LYN: variants seen among roughly 807,000 people sequenced by gnomAD.
LYN encodes LYN proto-oncogene, Src family tyrosine kinase, also known as tyrosine-protein kinase Lyn.
In LYN, 12 loss-of-function variants were observed where a neutral mutation model predicts 65.0. That is an observed-to-expected ratio of 0.18 (90% confidence interval 0.12 to 0.30). LYN has a LOEUF of 0.30. LYN is among the 10% of genes least tolerant of loss of function. The pLI is 1.00. For synonymous variants in LYN, 222 were observed against 221.2 expected (o/e 1.00, Z -0.03); for missense variants, 380 against 623.2 (o/e 0.61, Z 4.16).
At chr8:55,956,210 G>A (rs2130503176) in intron 8 of LYN, among the ~76,000 whole-genome samples, 1 of 151,726 alleles carries the variant, frequency 6.6e-6, no homozygotes, top group South Asian at 2.1e-4. Flanking sequence ...AATGAATATT[G>A]TATACCCTTC....
intron 9 of LYN, among the ~76,000 whole-genome samples, chr8:55,968,525 G>A (rs1807522806): frequency 6.6e-6 from 1 of 152,184 alleles, no homozygotes; most frequent in Non-Finnish European, 1.5e-5. Context: ...CCAAAGTGCT[G>A]GAATTATAGG....
intron 10 of LYN, among the ~76,000 whole-genome samples, chr8:55,972,095 G>A (rs747248869): frequency 1.3e-5 from 2 of 152,198 alleles, no homozygotes; most frequent in Non-Finnish European, 2.9e-5. Context: ...ATGTTCACAG[G>A]TCCAGGGTCT....
intron 1 of LYN, among the ~76,000 whole-genome samples, chr8:55,922,690 C>G (rs1395438454): frequency 6.6e-6 from 1 of 151,954 alleles, no homozygotes; most frequent in East Asian, 1.9e-4. Flanking sequence ...TCACTTGAAC[C>G]TGGCAGGCGG....
chr8:55,887,575 T>TATAC (rs1554573193), intron 1 of LYN, among the ~76,000 whole-genome samples: 4,356 of 93,462 alleles, frequency 0.047, 142 homozygotes, highest in East Asian at 0.11. Context: ...TATATATATA[T>TATAC]ACACACACAC....
At position 55,950,825 on chromosome 8, in the gene LYN, G is replaced by A. The variant is rs115961824; in HGVS notation, c.487+41G>A. On this transcript the variant is annotated intron_variant, in intron 6 of 12. Coordinates refer to ENST00000519728, the MANE Select transcript of LYN (RefSeq NM_002350.4). ...AAGCCTCTTTTAAAACACTATTTAG[G>A]AAATTATTTTTAGAAACTATTCTAG... is the stretch of plus-strand genomic sequence containing the variant. 717 of 1,399,580 alleles carry A rather than the reference G, an allele frequency of 5.1e-4. 3 individuals are homozygous for A. In the African/African-American group the frequency reaches 9.3e-3, roughly 18 times the overall value. The allele number at this position is 1,399,580 out of a possible 1,614,324, so 86.7% of individuals were successfully genotyped here.
chr8:55,887,688 C>T (rs896031988), intron 1 of LYN, among the ~76,000 whole-genome samples: 4 of 151,126 alleles, frequency 2.6e-5, no homozygotes, highest in African/African-American at 9.8e-5. Context: ...CGGCTCACTG[C>T]AACCTCCACC....
intron 1 of LYN, among the ~76,000 whole-genome samples, chr8:55,930,414 T>G (rs1027304004): frequency 2.0e-5 from 3 of 152,198 alleles, no homozygotes; most frequent in African/African-American, 7.2e-5. Context: ...GGTGGCTGGA[T>G]TGTTGATCAT....
chr8:55,993,362 C>T (rs913541972), intron 10 of LYN, among the ~76,000 whole-genome samples: 1 of 152,154 alleles, frequency 6.6e-6, no homozygotes, highest in African/African-American at 2.4e-5. Context: ...GAGAGGAAAC[C>T]TCAGAAGTCT....
chr8:56,009,112 C>A (rs1321841359), intron 12 of LYN, among the ~76,000 whole-genome samples: 4 of 152,076 alleles, frequency 2.6e-5, no homozygotes, highest in African/African-American at 9.7e-5. Flanking sequence ...TGAAAAATGT[C>A]CGTATAAGAT....
intron 1 of LYN, among the ~76,000 whole-genome samples, chr8:55,884,417 ATTTGGCTTAAGTTAGTT>A (rs1452531285): frequency 6.9e-6 from 1 of 144,488 alleles, no homozygotes; most frequent in African/African-American, 2.6e-5. Flanking sequence ...TCTGGGGTAT[ATTTGGCTTAAGTTAGTT>A]GGAAGGGCTC....
At chr8:55,933,984 T>A (rs1356972466) in intron 1 of LYN, among the ~76,000 whole-genome samples, 1 of 152,110 alleles carries the variant, frequency 6.6e-6, no homozygotes, top group Non-Finnish European at 1.5e-5. Flanking sequence ...TCCCAGCACT[T>A]TGGGAGGCCA....
chr8:55,901,025 CA>C (rs1805246162), intron 1 of LYN, among the ~76,000 whole-genome samples: 2 of 152,088 alleles, frequency 1.3e-5, no homozygotes. Flanking sequence ...GTGGCATTTG[CA>C]GCAGTGCCTC....
rs112993878 is a variant in LYN, at chr8:55,972,321, G to A, written c.1050+2528G>A. Among the ~76,000 whole-genome samples the A allele has an allele frequency of 6.2e-3, 947 of 152,262 alleles. 22 individuals are homozygous for A. Among genetic ancestry groups the A allele is most frequent in the African/African-American group, 0.022 (903 of 41,550 alleles). ...CAAACCTCACTCAGACTCTTTCCCAGCCCTTCCCTCAAGGTGGCGCTGGTG... is the reference window on the plus strand; with the variant it reads ...CAAACCTCACTCAGACTCTTTCCCAACCCTTCCCTCAAGGTGGCGCTGGTG... On this transcript the variant is annotated intron_variant, in intron 10 of 12. Coordinates refer to ENST00000519728, the MANE Select transcript of LYN (RefSeq NM_002350.4).
chr8:55,999,377 G>T lies in LYN; in HGVS notation c.1205-41G>T, dbSNP rs1196738756. On this transcript the variant is annotated intron_variant, in intron 11 of 12. Transcript: ENST00000519728. ...ACATGTTCATGACTTTTTTGTTTAA[G>T]TTTAAATACCCAAGTAAGAACCACA... 8 of 1,585,880 alleles carry T rather than the reference G, an allele frequency of 5.0e-6. No individual in the cohort carries two copies. In the Admixed American group the frequency reaches 7.3e-5, roughly 14 times the overall value.
At position 55,997,813 on chromosome 8, in the gene LYN, G is replaced by A. The variant is rs191334078; in HGVS notation, c.1051-533G>A. On this transcript the variant is annotated intron_variant, in intron 10 of 12. Transcript: ENST00000519728. ...AAAATGTTAAGACATGGCCAGGCGC[G>A]GTGGCTCACGCCTGTAATCCCAGCA... Among the ~76,000 whole-genome samples, 112 of 152,272 alleles carry A rather than the reference G, an allele frequency of 7.4e-4. 1 individual carries two copies. The highest frequency in any genetic ancestry group is 3.4e-3 in the Middle Eastern group (1 of 294).
chr8:55,962,367 G>A (rs889736372), intron 8 of LYN, among the ~76,000 whole-genome samples: 2 of 151,532 alleles, frequency 1.3e-5, no homozygotes, highest in Non-Finnish European at 2.9e-5. Context: ...GTGCTTTTGC[G>A]TGTGGCTACA....
chr8:56,006,783 T>G (rs552376127), intron 12 of LYN, among the ~76,000 whole-genome samples: 1 of 152,276 alleles, frequency 6.6e-6, no homozygotes, highest in African/African-American at 2.4e-5. Flanking sequence ...AGCTAATGGG[T>G]GTTTACTTTC....
chr8:55,960,317 A>G (rs572673090), intron 8 of LYN, among the ~76,000 whole-genome samples: 1 of 152,262 alleles, frequency 6.6e-6, no homozygotes, highest in East Asian at 1.9e-4. Flanking sequence ...ATCACCGTTC[A>G]TTTTTTAATT....
chr8:55,974,965 C>T (rs1331765689), intron 10 of LYN, among the ~76,000 whole-genome samples: 1 of 152,136 alleles, frequency 6.6e-6, no homozygotes, highest in Admixed American at 6.5e-5. Flanking sequence ...TATATAATCT[C>T]CCCTCCACGT....
Sources: gnomAD v4.1 joint callset for allele counts (sites outside exome capture counted in the v4.1 genomes callset) on GRCh38, gnomAD v4.1.1 for gene constraint, MANE v1.5 for transcripts, NCBI Gene and HGNC (gene_info 2026-07-23, HGNC 2026-07-21) for gene names.